FBXL13: variants seen among roughly 807,000 people sequenced by gnomAD.
The protein encoded by FBXL13 is F-box and leucine-rich repeat protein 13.
Under a neutral mutation model 83.6 loss-of-function variants are expected in FBXL13, and 67 were observed. That is an observed-to-expected ratio of 0.80 (90% CI 0.66 to 0.98). The LOEUF (loss-of-function observed/expected upper bound fraction) is 0.98. Ranked by LOEUF, FBXL13 falls within the 50% of genes least tolerant of loss-of-function variation. The pLI, the probability that FBXL13 is intolerant of heterozygous loss-of-function variation, is 0.00. For missense variants in FBXL13, 822 were observed against 866.5 expected, an observed-to-expected ratio of 0.95 and a Z score of 0.64; for synonymous variants, 272 against 299.5, an observed-to-expected ratio of 0.91 and a Z score of 0.95.
intron 8 of FBXL13, among the ~76,000 whole-genome samples, chr7:102,962,822 G>C (rs1475287198): frequency 6.7e-6 from 1 of 149,784 alleles, no homozygotes; most frequent in Non-Finnish European, 1.5e-5. Context: ...TCACACTCTG[G>C]GGACTGTTGT....
chr7:102,912,672 C>G (rs1739451431), intron 11 of FBXL13, among the ~76,000 whole-genome samples: 1 of 53,556 alleles, frequency 1.9e-5, no homozygotes, highest in Non-Finnish European at 3.2e-5. Flanking sequence ...TAGCATTTTA[C>G]CCCCCCCCCC....
rs868383860 is a variant in FBXL13, at chr7:103,071,240, C to T, written c.-105+3006G>A. On this transcript the variant is annotated intron_variant, in intron 1 of 19. Transcript: ENST00000313221. The stretch of plus-strand genomic sequence containing the variant: ...AAGAAAAAAAAAGCTAACATATGTA[C>T]GATTGGAGTTCCAAAAGGAAAAGAG... Among the ~76,000 whole-genome samples the T allele has an allele frequency of 8.6e-5, 13 of 151,846 alleles. 1 individual carries two copies. The highest frequency in any genetic ancestry group is 2.6e-4 in the Admixed American group (4 of 15,250).
intron 10 of FBXL13, among the ~76,000 whole-genome samples, chr7:102,914,116 A>G (rs1815329322): frequency 6.6e-6 from 1 of 152,130 alleles, no homozygotes; most frequent in African/African-American, 2.4e-5. Context: ...GCTGGAGTAC[A>G]ATGGTGAGAT....
intron 2 of FBXL13, among the ~76,000 whole-genome samples, chr7:103,042,203 T>C (rs1025823983): frequency 2.0e-5 from 3 of 152,186 alleles, no homozygotes; most frequent in Non-Finnish European, 4.4e-5. Flanking sequence ...AGCCAAATCA[T>C]GAGTGAACTC....
intron 18 of FBXL13, among the ~76,000 whole-genome samples, chr7:102,831,074 G>C (rs1322444133): frequency 6.6e-6 from 1 of 152,104 alleles, no homozygotes; most frequent in African/African-American, 2.4e-5. Flanking sequence ...AGTCATTTTA[G>C]GTCTTTCATC....
chr7:102,980,456 T>C (rs557988348), intron 6 of FBXL13, among the ~76,000 whole-genome samples: 1 of 152,176 alleles, frequency 6.6e-6, no homozygotes, highest in Non-Finnish European at 1.5e-5. Context: ...CAAAATGAAG[T>C]CAAAATGAGA....
chr7:102,932,455 T>C (rs183787498), intron 8 of FBXL13, among the ~76,000 whole-genome samples: 33 of 84,734 alleles, frequency 3.9e-4, no homozygotes, highest in African/African-American at 1.2e-3. Context: ...TATTTTTGTA[T>C]GCATTTCAAA....
chr7:102,956,971 A>C (rs2129478045), intron 8 of FBXL13, among the ~76,000 whole-genome samples: 1 of 152,346 alleles, frequency 6.6e-6, no homozygotes, highest in East Asian at 1.9e-4. Context: ...AGGGTAATTT[A>C]TAGATTCAGT....
chr7:102,891,517 CAG>C (rs1811533237), intron 11 of FBXL13, among the ~76,000 whole-genome samples: 1 of 152,174 alleles, frequency 6.6e-6, no homozygotes, highest in Non-Finnish European at 1.5e-5. Flanking sequence ...GTGCCTGGTG[CAG>C]AGTGTTTGTT....
At chr7:103,049,738 A>G (rs1796618992) in intron 2 of FBXL13, among the ~76,000 whole-genome samples, 1 of 152,220 alleles carries the variant, frequency 6.6e-6, no homozygotes, top group South Asian at 2.1e-4. Context: ...ACTCTTTAAT[A>G]AAGTCCTTTT....
At chr7:103,008,793 G>C (rs151329970) in intron 6 of FBXL13, among the ~76,000 whole-genome samples, 1 of 152,122 alleles carries the variant, frequency 6.6e-6, no homozygotes, top group African/African-American at 2.4e-5. Flanking sequence ...CCTGACCTCA[G>C]GTGATCTGCC....
At chr7:103,048,252 A>C (rs1057059009) in intron 2 of FBXL13, among the ~76,000 whole-genome samples, 1 of 152,054 alleles carries the variant, frequency 6.6e-6, no homozygotes, top group South Asian at 2.1e-4. Context: ...AAAACACTTG[A>C]TATTATGAAC....
At chr7:103,026,305 AT>A (rs926972354) in intron 5 of FBXL13, among the ~76,000 whole-genome samples, 1 of 151,862 alleles carries the variant, frequency 6.6e-6, no homozygotes, top group African/African-American at 2.4e-5. Flanking sequence ...TGCCTGGCTA[AT>A]TTTTATATTC....
At chr7:103,041,453 T>C (rs1248403108) in intron 2 of FBXL13, among the ~76,000 whole-genome samples, 1 of 152,168 alleles carries the variant, frequency 6.6e-6, no homozygotes, top group Non-Finnish European at 1.5e-5. Flanking sequence ...AAAGAGAGAA[T>C]CTTCCCTAAC....
At chr7:102,866,428 T>G (rs1204609891) in intron 16 of FBXL13, among the ~76,000 whole-genome samples, 1 of 152,150 alleles carries the variant, frequency 6.6e-6, no homozygotes, top group Non-Finnish European at 1.5e-5. Flanking sequence ...TGAGGAGGAC[T>G]AGGAGAGGTC....
At chr7:102,890,418 G>C (rs1250940452) in intron 11 of FBXL13, among the ~76,000 whole-genome samples, 1 of 152,180 alleles carries the variant, frequency 6.6e-6, no homozygotes, top group Non-Finnish European at 1.5e-5. Flanking sequence ...CCACTGATTG[G>C]GAAGTTGAGG....
chr7:102,975,755 T>C (rs1827340371), intron 6 of FBXL13: 1 of 591,648 alleles, frequency 1.7e-6, no homozygotes, highest in East Asian at 2.8e-5. Context: ...CAGCGCCAGC[T>C]TCAAAAACTT....
chr7:102,900,339 C>A (rs996255148), intron 11 of FBXL13, among the ~76,000 whole-genome samples: 1 of 152,172 alleles, frequency 6.6e-6, no homozygotes, highest in African/African-American at 2.4e-5. Context: ...ATCAGGCACT[C>A]AACAAATGCC....
At chr7:103,011,336 A>G (rs1391802479) in intron 6 of FBXL13, among the ~76,000 whole-genome samples, 4 of 152,194 alleles carry the variant, frequency 2.6e-5, no homozygotes, top group Non-Finnish European at 5.9e-5. Flanking sequence ...CCAAATGGCC[A>G]TTATAAGAAA....
Sources: gnomAD v4.1 joint callset for allele counts (sites outside exome capture counted in the v4.1 genomes callset) on GRCh38, gnomAD v4.1.1 for gene constraint, MANE v1.5 for transcripts, NCBI Gene and HGNC (gene_info 2026-07-23, HGNC 2026-07-21) for gene names.